Variants in C12orf42 observed in about 807,000 individuals in gnomAD.
C12orf42 encodes uncharacterized protein C12orf42.
C12orf42 carries 25 observed loss-of-function variants against 21.6 expected under a neutral mutation model. The ratio of observed to expected loss-of-function variants is 1.16; its 90% CI spans 0.84 to 1.62. C12orf42 has a LOEUF of 1.62. Ranked by LOEUF, C12orf42 falls within the 40% of genes most tolerant of loss-of-function variation. The probability of loss-of-function intolerance (pLI) is 0.00; values close to 1 mark genes in which losing one functional copy is unlikely to be tolerated. For synonymous variants in C12orf42, 174 were observed against 175.0 expected, an observed-to-expected ratio of 0.99 and a Z score of 0.05; for missense variants, 483 against 459.3, an observed-to-expected ratio of 1.05 and a Z score of -0.47.
the C12orf42 span, among the ~76,000 whole-genome samples, chr12:103,215,665 C>T: frequency 1.3e-5 from 2 of 152,342 alleles, no homozygotes; most frequent in East Asian, 1.9e-4. Context: ...GGGCTGGTGC[C>T]TTCAAAGAGG....
At chr12:103,400,696 A>G (rs1320145289) in intron 3 of C12orf42, among the ~76,000 whole-genome samples, 2 of 152,134 alleles carry the variant, frequency 1.3e-5, no homozygotes, top group Non-Finnish European at 2.9e-5. Flanking sequence ...TACATCTTTG[A>G]TTTCTACTCT....
chr12:103,332,597 A>G (rs1056095216), intron 4 of C12orf42, among the ~76,000 whole-genome samples: 1 of 152,238 alleles, frequency 6.6e-6, no homozygotes, highest in Non-Finnish European at 1.5e-5. Context: ...CTCCAGATCA[A>G]TAGGAGCTTC....
At chr12:103,499,603 C>G (rs1955668488), upstream of C12orf42, among the ~76,000 whole-genome samples, 1 of 152,190 alleles carries the variant, frequency 6.6e-6, no homozygotes, top group Non-Finnish European at 1.5e-5. Flanking sequence ...GGATTTTGTC[C>G]TGAGGACTAA....
chr12:103,220,730 C>T, the C12orf42 span, among the ~76,000 whole-genome samples: 1 of 152,100 alleles, frequency 6.6e-6, no homozygotes, highest in Non-Finnish European at 1.5e-5. Flanking sequence ...GAAGTATCTT[C>T]CTCTCTCTAT....
the C12orf42 span, among the ~76,000 whole-genome samples, chr12:103,507,676 T>A: frequency 2.6e-4 from 34 of 130,610 alleles, no homozygotes; most frequent in African/African-American, 9.7e-4. Flanking sequence ...AGACCTTGTC[T>A]CCAAAAAACT....
chr12:103,440,328 C>T (rs1309850486), intron 2 of C12orf42, among the ~76,000 whole-genome samples: 1 of 142,716 alleles, frequency 7.0e-6, no homozygotes, highest in Non-Finnish European at 1.5e-5. Context: ...TTAGTGGGTG[C>T]AGCACACCAG....
chr12:103,355,135 C>A (rs368134109), intron 4 of C12orf42, among the ~76,000 whole-genome samples: 2 of 151,990 alleles, frequency 1.3e-5, no homozygotes, highest in Non-Finnish European at 2.9e-5. Flanking sequence ...TAGAGTATTC[C>A]CCCTTTGAGA....
the C12orf42 span, among the ~76,000 whole-genome samples, chr12:103,501,829 C>T: frequency 6.6e-6 from 1 of 152,132 alleles, no homozygotes; most frequent in African/African-American, 2.4e-5. Context: ...AAATTCAGCC[C>T]ACAGACATCT....
At chr12:103,331,344 G>C (rs969220987) in intron 4 of C12orf42, among the ~76,000 whole-genome samples, 2 of 152,198 alleles carry the variant, frequency 1.3e-5, no homozygotes, top group African/African-American at 4.8e-5. Context: ...TGTAAATCCA[G>C]CCATCAGTAA....
At chr12:103,459,770 T>C (rs914212194) in intron 2 of C12orf42, among the ~76,000 whole-genome samples, 3 of 152,178 alleles carry the variant, frequency 2.0e-5, no homozygotes, top group Non-Finnish European at 4.4e-5. Context: ...AAACTGCAAA[T>C]TAACAAGGTC....
chr12:103,222,741 A>AT, the C12orf42 span, among the ~76,000 whole-genome samples: 5 of 151,788 alleles, frequency 3.3e-5, no homozygotes, highest in African/African-American at 9.7e-5. Flanking sequence ...ATTTTACTAC[A>AT]TTTTTTCTAT....
chr12:103,319,793 A>G (rs1472898097), intron 4 of C12orf42, among the ~76,000 whole-genome samples: 1 of 152,202 alleles, frequency 6.6e-6, no homozygotes, highest in African/African-American at 2.4e-5. Flanking sequence ...TTTGGGTCAT[A>G]GTGGTTTTCT....
chr12:103,430,464 C>A (rs1950182894), intron 2 of C12orf42, among the ~76,000 whole-genome samples: 3 of 152,122 alleles, frequency 2.0e-5, no homozygotes, highest in Admixed American at 2.0e-4. Context: ...CAGGGAACAA[C>A]AGACACTGGA....
chr12:103,068,888 TAG>T, the C12orf42 span, among the ~76,000 whole-genome samples: 27 of 129,824 alleles, frequency 2.1e-4, no homozygotes, highest in South Asian at 3.2e-3. Context: ...TATATATATA[TAG>T]ATAGATAGAT....
the C12orf42 span, among the ~76,000 whole-genome samples, chr12:103,511,452 TC>T: frequency 6.6e-6 from 1 of 151,988 alleles, no homozygotes; most frequent in East Asian, 1.9e-4. Context: ...ATACCATGTG[TC>T]TATTCATATG....
At chr12:103,525,897 G>A in the C12orf42 span, among the ~76,000 whole-genome samples, 1 of 152,094 alleles carries the variant, frequency 6.6e-6, no homozygotes, top group Admixed American at 6.5e-5. Flanking sequence ...GCGTGGTGGT[G>A]GGCACCTGTA....
intron 2 of C12orf42, among the ~76,000 whole-genome samples, chr12:103,422,961 C>A (rs1001683050): frequency 6.6e-6 from 1 of 152,180 alleles, no homozygotes; most frequent in African/African-American, 2.4e-5. Context: ...GTTACTGTTG[C>A]CAGGGGACAC....
chr12:103,322,018 T>C (rs1173554533), intron 4 of C12orf42, among the ~76,000 whole-genome samples: 5 of 151,726 alleles, frequency 3.3e-5, no homozygotes, highest in Non-Finnish European at 7.4e-5. Flanking sequence ...AGTATAATAA[T>C]AAAAGAAAAA....
intron 3 of C12orf42, among the ~76,000 whole-genome samples, chr12:103,380,079 G>A (rs2138175459): frequency 6.6e-6 from 1 of 152,226 alleles, no homozygotes; most frequent in South Asian, 2.1e-4. Flanking sequence ...CACACAATAG[G>A]CAAAGAAGAA....
Sources: gnomAD v4.1 joint callset for allele counts (sites outside exome capture counted in the v4.1 genomes callset) on GRCh38, gnomAD v4.1.1 for gene constraint, MANE v1.5 for transcripts, NCBI Gene and HGNC (gene_info 2026-07-23, HGNC 2026-07-21) for gene names.